The following CLPB variants were observed in gnomAD, a reference collection of about 807,000 sequenced individuals.
The protein encoded by CLPB is mitochondrial disaggregase.
CLPB carries 40 observed loss-of-function variants against 78.4 expected under a neutral mutation model. The ratio of observed to expected loss-of-function variants is 0.51; its 90% CI spans 0.40 to 0.66. The LOEUF (loss-of-function observed/expected upper bound fraction) is 0.66. Among genes scored for constraint, CLPB ranks in the 30% least tolerant of loss-of-function variants. The pLI is 0.00. For missense variants in CLPB, 780 were observed against 886.9 expected (o/e 0.88, Z 1.53); for synonymous variants, 333 against 348.0 (o/e 0.96, Z 0.48).
chr11:72,392,336 G>C (rs1237888137), intron 3 of CLPB, among the ~76,000 whole-genome samples: 2 of 152,106 alleles, frequency 1.3e-5, no homozygotes, highest in Non-Finnish European at 2.9e-5. Flanking sequence ...CAGGAGGTCT[G>C]CTGGAAAGTC....
At chr11:72,413,814 T>A (rs1280921596) in intron 2 of CLPB, among the ~76,000 whole-genome samples, 5 of 152,330 alleles carry the variant, frequency 3.3e-5, no homozygotes, top group Middle Eastern at 3.4e-3. Flanking sequence ...ATTTTTGAGG[T>A]ACTACTTATT....
chr11:72,354,416 A>C (rs902879326), intron 5 of CLPB: 5 of 398,288 alleles, frequency 1.3e-5, no homozygotes, highest in African/African-American at 1.0e-4. Flanking sequence ...GGCCATGATT[A>C]GAGATATGTT....
intron 2 of CLPB, among the ~76,000 whole-genome samples, chr11:72,422,166 T>C (rs530222815): frequency 6.8e-6 from 1 of 147,242 alleles, no homozygotes; most frequent in South Asian, 2.1e-4. Flanking sequence ...CTTGGGAGGC[T>C]GAGGCAGGAG....
At position 72,312,826 on chromosome 11, in the gene CLPB, A is replaced by C. The variant is rs1029338413; in HGVS notation, c.989-4222T>G. ...AAAAAAGGTGCGTGCCATAGAGGTA[A>C]AGGCTGCTATGAAAACTGTGGGCTC... On this transcript the variant is annotated intron_variant, in intron 7 of 15. Coordinates refer to ENST00000538039, the MANE Select transcript of CLPB (RefSeq NM_001258392.3). This position sits in a 1 kb window ranked among gnomAD's most constrained non-coding sequence, Gnocchi z 4.2. Among the ~76,000 whole-genome samples the C allele has an allele frequency of 1.3e-5, 2 of 152,200 alleles. No individual in the cohort carries two copies. The highest frequency in any genetic ancestry group is 2.9e-5 in the Non-Finnish European group (2 of 68,040).
At chr11:72,387,376 C>T (rs372188239) in intron 3 of CLPB, among the ~76,000 whole-genome samples, 14 of 152,254 alleles carry the variant, frequency 9.2e-5, no homozygotes, top group African/African-American at 3.1e-4. Flanking sequence ...AACAACTGCT[C>T]AATGAATGTT....
intron 3 of CLPB, among the ~76,000 whole-genome samples, chr11:72,390,518 C>T (rs369695735): frequency 6.8e-6 from 1 of 147,322 alleles, no homozygotes; most frequent in Non-Finnish European, 1.5e-5. Flanking sequence ...AAGATATCAA[C>T]AGCCAATTCC....
chr11:72,420,210 G>T (rs570010151), intron 2 of CLPB, among the ~76,000 whole-genome samples: 41 of 152,128 alleles, frequency 2.7e-4, no homozygotes, highest in African/African-American at 9.6e-4. Context: ...AACACAAAAC[G>T]CTTTCAATGG....
At chr11:72,431,026 T>C (rs7118697) in intron 1 of CLPB, among the ~76,000 whole-genome samples, 12,989 of 152,150 alleles carry the variant, frequency 0.085, 861 homozygotes, top group African/African-American at 0.18. Flanking sequence ...AAATGACAGT[T>C]GAGACGTCTG....
intron 3 of CLPB, among the ~76,000 whole-genome samples, chr11:72,383,748 A>G (rs1241729526): frequency 6.6e-6 from 1 of 152,154 alleles, no homozygotes; most frequent in African/African-American, 2.4e-5. Context: ...TCTTCTTCAG[A>G]AATCAAGGAA....
At chr11:72,347,288 C>G (rs1950533998) in intron 5 of CLPB, among the ~76,000 whole-genome samples, 1 of 152,088 alleles carries the variant, frequency 6.6e-6, no homozygotes, top group South Asian at 2.1e-4. Context: ...AAGACTCTGT[C>G]TCTACAAAAT....
intron 5 of CLPB, among the ~76,000 whole-genome samples, chr11:72,330,546 A>G (rs1260604604): frequency 1.3e-5 from 2 of 152,222 alleles, no homozygotes; most frequent in African/African-American, 4.8e-5. Flanking sequence ...CAGCCTTGGC[A>G]GTTATGGAGG....
At chr11:72,302,054 T>A (rs1949665837) in intron 10 of CLPB, 90 bp from the exon 11 acceptor site, 5 of 1,432,740 alleles carry the variant, frequency 3.5e-6, no homozygotes, top group Non-Finnish European at 4.8e-6. Context: ...CTTTATACGC[T>A]ATTAAGGTTG....
chr11:72,391,851 T>C (rs1237340508), intron 3 of CLPB, among the ~76,000 whole-genome samples: 1 of 152,132 alleles, frequency 6.6e-6, no homozygotes, highest in Admixed American at 6.5e-5. Flanking sequence ...AGGCTGTAAT[T>C]AGATTAAAAG....
intron 5 of CLPB, among the ~76,000 whole-genome samples, chr11:72,355,996 A>G (rs1287649247): frequency 6.6e-6 from 1 of 152,094 alleles, no homozygotes; most frequent in South Asian, 2.1e-4. Flanking sequence ...AGAAAACCGG[A>G]TGGGGCTGGG....
At chr11:72,326,130 A>G (rs1023851929) in intron 6 of CLPB, among the ~76,000 whole-genome samples, 2 of 152,218 alleles carry the variant, frequency 1.3e-5, no homozygotes, top group Non-Finnish European at 2.9e-5. Context: ...TTAGAAAAAT[A>G]TGTATTTGAG....
At chr11:72,432,734 A>G (rs768572109) in intron 1 of CLPB, among the ~76,000 whole-genome samples, 1 of 152,228 alleles carries the variant, frequency 6.6e-6, no homozygotes, top group Non-Finnish European at 1.5e-5. Context: ...CGTGAGGAGA[A>G]GCAAAAGTCC....
intron 5 of CLPB, among the ~76,000 whole-genome samples, chr11:72,347,412 G>A (rs371063555): frequency 3.5e-4 from 53 of 151,156 alleles, no homozygotes; most frequent in African/African-American, 1.2e-3. Flanking sequence ...TGCTATAATT[G>A]TGCCACTGCA....
intron 7 of CLPB, among the ~76,000 whole-genome samples, chr11:72,310,623 TGACA>T (rs894589576): frequency 6.6e-6 from 1 of 152,090 alleles, no homozygotes; most frequent in African/African-American, 2.4e-5. Flanking sequence ...AGGGCAGGGG[TGACA>T]GCAGTGACGT....
intron 3 of CLPB, among the ~76,000 whole-genome samples, chr11:72,386,258 A>G (rs763874677): frequency 9.9e-5 from 15 of 152,098 alleles, no homozygotes; most frequent in Non-Finnish European, 2.1e-4. Context: ...AAATATGTTT[A>G]ATAGTCAGTT....
Sources: gnomAD v4.1 joint callset for allele counts (sites outside exome capture counted in the v4.1 genomes callset) on GRCh38, gnomAD v4.1.1 for gene constraint, Gnocchi (gnomAD v3.1) non-coding constraint, MANE v1.5 for transcripts, NCBI Gene and HGNC (gene_info 2026-07-23, HGNC 2026-07-21) for gene names.